Variants in PJA2 observed in about 807,000 individuals in gnomAD.
The protein encoded by PJA2 is praja ring finger ubiquitin ligase 2, also known as E3 ubiquitin-protein ligase Praja-2.
Under a neutral mutation model 69.3 loss-of-function variants are expected in PJA2, and 25 were observed. That is an observed-to-expected ratio of 0.36 (90% CI 0.26 to 0.50). The LOEUF is 0.50. Among genes scored for constraint, PJA2 ranks in the 20% least tolerant of loss-of-function variants. The pLI is 0.96. For missense variants in PJA2, 809 were observed against 830.2 expected (o/e 0.97, Z 0.31); for synonymous variants, 308 against 277.8 (o/e 1.11, Z -1.08).
At chr5:109,353,499 AATATCTATAG>A (rs1762316206) in intron 7 of PJA2, among the ~76,000 whole-genome samples, 1 of 90,126 alleles carries the variant, frequency 1.1e-5, no homozygotes, top group African/African-American at 3.0e-5. Context: ...AGATATCTAT[AATATCTATAG>A]ATATCTATAT....
At chr5:109,339,373 G>C (rs1762001140) in intron 9 of PJA2, among the ~76,000 whole-genome samples, 1 of 152,154 alleles carries the variant, frequency 6.6e-6, no homozygotes, top group Admixed American at 6.5e-5. Flanking sequence ...TATCCTAAAA[G>C]CCCTGACTTG....
chr5:109,367,895 C>T (rs1186491352), intron 5 of PJA2, among the ~76,000 whole-genome samples: 1 of 152,314 alleles, frequency 6.6e-6, no homozygotes, highest in African/African-American at 2.4e-5. Context: ...AACAAACATT[C>T]TTGCTAGAAA....
In PJA2 at chr5:109,395,718, C is replaced by A. The variant is rs143757821; in HGVS notation, c.-87-12198G>T. ...AAGAGCAGAGTAAAATCTTCATGAA[C>A]TAGCCAGACAAGGCTCATGCCTGTA... is the stretch of plus-strand genomic sequence containing the variant. On this transcript the variant is annotated intron_variant, in intron 1 of 9. Transcript: ENST00000361189. Among the ~76,000 whole-genome samples, 11 of 152,012 alleles carry A rather than the reference C, an allele frequency of 7.2e-5. No individual in the cohort carries two copies. The East Asian group carries it at 2.1e-3, about 30-fold the overall frequency.
intron 6 of PJA2, among the ~76,000 whole-genome samples, chr5:109,359,745 A>C (rs913921597): frequency 6.6e-6 from 1 of 152,238 alleles, no homozygotes; most frequent in Non-Finnish European, 1.5e-5. Context: ...CAAAGATTAG[A>C]CCAGAAAAAA....
At chr5:109,371,370 G>C (rs769968668) in intron 4 of PJA2, among the ~76,000 whole-genome samples, 1 of 152,094 alleles carries the variant, frequency 6.6e-6, no homozygotes, top group Non-Finnish European at 1.5e-5. Context: ...TCCCTATCTT[G>C]ATTTGTTATC....
rs552259096 is a variant in PJA2 at position 109,389,348 on chromosome 5, C to T, written c.-87-5828G>A. Among the ~76,000 whole-genome samples the T allele has an allele frequency of 7.2e-5, 11 of 152,032 alleles. No homozygotes were observed. In the South Asian group the frequency reaches 2.3e-3, roughly 31 times the overall value. ...ATAGACACAGAACAACTCAGATTTT[C>T]TATTTCTTTATATGTCAGCTGACTA... is the stretch of plus-strand genomic sequence containing the variant. On this transcript the variant is annotated intron_variant, in intron 1 of 9. Transcript: ENST00000361189.
At chr5:109,381,449 A>C in intron 3 of PJA2, 54 bp downstream of exon 3, 2 of 1,474,774 alleles carry the variant, frequency 1.4e-6, no homozygotes, top group Non-Finnish European at 1.9e-6. Context: ...TTTAATTATA[A>C]GATCAATTCC....
chr5:109,366,417 T>C (rs1762586163), intron 5 of PJA2, among the ~76,000 whole-genome samples: 1 of 152,218 alleles, frequency 6.6e-6, no homozygotes, highest in Admixed American at 6.5e-5. Flanking sequence ...ATTACCAACA[T>C]TCAATATCTC....
intron 6 of PJA2, among the ~76,000 whole-genome samples, chr5:109,361,640 G>A (rs1484172470): frequency 2.0e-5 from 3 of 152,202 alleles, no homozygotes; most frequent in Non-Finnish European, 4.4e-5. Context: ...AAAGAGAGAC[G>A]TATCAAGATC....
intron 2 of PJA2, 121 bp downstream of exon 2, chr5:109,383,282 G>T: frequency 1.3e-6 from 1 of 754,366 alleles, no homozygotes; most frequent in Non-Finnish European, 2.1e-6. Context: ...TCAATATATG[G>T]ATCAAAACCA....
At chr5:109,367,143 A>AAAAAT (rs1252162401) in intron 5 of PJA2, among the ~76,000 whole-genome samples, 35 of 143,200 alleles carry the variant, frequency 2.4e-4, no homozygotes, top group African/African-American at 7.4e-4. Flanking sequence ...CAAAAAAAAA[A>AAAAAT]ATATATATAT....
intron 4 of PJA2, among the ~76,000 whole-genome samples, chr5:109,375,691 T>C (rs1334314335): frequency 6.6e-6 from 1 of 152,118 alleles, no homozygotes; most frequent in East Asian, 1.9e-4. Context: ...GCTCTTATAC[T>C]TTCCATCCAA....
Position 109,355,907 on chromosome 5 carries a change from G to A in PJA2, c.1764+8C>T, listed in dbSNP as rs1287967359. ...ACTTATATATGGAGATCAGAGTTAT[G>A]AACATACCTCCATAGCCTGGGCTAA... is the stretch of plus-strand genomic sequence containing the variant. On this transcript the variant is annotated splice_region_variant and intron_variant, in intron 7 of 9. Transcript: ENST00000361189. 6.3e-7 allele frequency: 1 copy of A among 1,590,532 alleles called. No homozygotes were observed.
chr5:109,372,314 G>C, intron 4 of PJA2, among the ~76,000 whole-genome samples: 1 of 152,178 alleles, frequency 6.6e-6, no homozygotes. Context: ...ATTTCAAACA[G>C]TGTCCTCAAA....
intron 4 of PJA2, among the ~76,000 whole-genome samples, chr5:109,370,582 A>T (rs546942976): frequency 3.3e-5 from 5 of 152,330 alleles, no homozygotes; most frequent in African/African-American, 1.2e-4. Context: ...GCTGGGTCTA[A>T]GCCAAAGTTC....
chr5:109,336,867 G>A lies in PJA2; in HGVS notation c.*364C>T, dbSNP rs1761953742. On this transcript the variant is annotated 3_prime_UTR_variant, in exon 10 of 10. Coordinates refer to ENST00000361189, the MANE Select transcript of PJA2 (RefSeq NM_014819.5). ...GGTTGTGAACACAGTCTTTACATTT[G>A]ATGCAAACAGGACAGCTTAATTATA... The A allele has an allele frequency of 6.5e-6, 1 of 153,654 alleles. No individual in the cohort carries two copies. Among genetic ancestry groups the A allele is most frequent in the Non-Finnish European group, 1.4e-5 (1 of 69,166 alleles). The allele number at this position is 153,654 out of a possible 1,614,324, so 9.5% of individuals were successfully genotyped here.
intron 6 of PJA2, among the ~76,000 whole-genome samples, chr5:109,360,515 C>A (rs980716841): frequency 5.3e-5 from 8 of 152,154 alleles, no homozygotes; most frequent in Non-Finnish European, 1.0e-4. Flanking sequence ...CTGCTCTTTG[C>A]CATAGCTTTC....
rs12523186 is a variant in PJA2 at position 109,378,281 on chromosome 5, T to C, written c.1206A>G (p.Ala402=). ...AGGTGTTATCCACCTCTTGCCTTCCTGCTGTGGCTCCACTTTCTGATGTCA... is the reference window on the plus strand; with the variant it reads ...AGGTGTTATCCACCTCTTGCCTTCCCGCTGTGGCTCCACTTTCTGATGTCA... The part of the protein sequence containing the change: ...NQMTSESGAT[A]GRQEVDNTFW... Residue 402 remains alanine, a synonymous_variant, in exon 4 of 10, where the codon GCA becomes GCG. Coordinates refer to ENST00000361189, the MANE Select transcript of PJA2 (RefSeq NM_014819.5). 0.55 allele frequency: 886,067 copies of C among 1,613,326 alleles called. 258,003 individuals carry two copies. The highest frequency in any genetic ancestry group is 0.61 in the South Asian group (55,535 of 91,052).
At chr5:109,383,898 G>C (rs1241762939) in intron 1 of PJA2, among the ~76,000 whole-genome samples, 2 of 152,094 alleles carry the variant, frequency 1.3e-5, no homozygotes, top group African/African-American at 4.8e-5. Flanking sequence ...CTGCACTCCA[G>C]GCCTGGGTGA....
Sources: gnomAD v4.1 joint callset for allele counts (sites outside exome capture counted in the v4.1 genomes callset) on GRCh38, gnomAD v4.1.1 for gene constraint, MANE v1.5 for transcripts, NCBI Gene and HGNC (gene_info 2026-07-23, HGNC 2026-07-21) for gene names.